Variants in IGF2BP3 observed in about 807,000 individuals in gnomAD.
IGF2BP3 encodes insulin like growth factor 2 mRNA binding protein 3.
In IGF2BP3, 9 loss-of-function variants were observed where a neutral mutation model predicts 73.8. The ratio of observed to expected loss-of-function variants is 0.12; its 90% confidence interval spans 0.07 to 0.21. The LOEUF is 0.21. IGF2BP3 is among the 10% of genes least tolerant of loss of function. The pLI, the probability that IGF2BP3 is intolerant of heterozygous loss-of-function variation, is 1.00. For missense variants in IGF2BP3, 542 were observed against 714.0 expected, an observed-to-expected ratio of 0.76 and a Z score of 2.75; for synonymous variants, 258 against 256.7, an observed-to-expected ratio of 1.01 and a Z score of -0.05.
intron 3 of IGF2BP3, among the ~76,000 whole-genome samples, chr7:23,401,082 C>G (rs1191759351): frequency 1.3e-5 from 2 of 152,182 alleles, no homozygotes; most frequent in Non-Finnish European, 2.9e-5. Flanking sequence ...CAGGTGTGAG[C>G]TATCACGCCC....
rs573893676 is a variant in IGF2BP3, at chr7:23,454,029, T to C, written c.236+14453A>G. 1.1e-3 allele frequency among the ~76,000 whole-genome samples: 174 copies of C among 152,288 alleles called. 1 individual carries two copies. The highest frequency in any genetic ancestry group is 2.1e-3 in the South Asian group (10 of 4,820). On this transcript the variant is annotated intron_variant, in intron 2 of 14. Coordinates refer to ENST00000258729, the MANE Select transcript of IGF2BP3 (RefSeq NM_006547.3). ...TTTTTGCAGGGACGGGGTTTCGCCA[T>C]GTTGCCCAGCCTGGTCTCAAACTCC...
chr7:23,404,377 A>T (rs1464176335), intron 3 of IGF2BP3, among the ~76,000 whole-genome samples: 1 of 152,208 alleles, frequency 6.6e-6, no homozygotes, highest in Non-Finnish European at 1.5e-5. Context: ...TAAGCTAATT[A>T]AACAATTTCA....
chr7:23,425,912 G>A (rs1460914895), intron 2 of IGF2BP3, among the ~76,000 whole-genome samples: 1 of 151,952 alleles, frequency 6.6e-6, no homozygotes, highest in Non-Finnish European at 1.5e-5. Context: ...GCTGCAGTGA[G>A]TGGTGGTGGT....
chr7:23,404,601 G>C (rs1364218345), intron 3 of IGF2BP3, among the ~76,000 whole-genome samples: 1 of 152,162 alleles, frequency 6.6e-6, no homozygotes, highest in Non-Finnish European at 1.5e-5. Context: ...AAAGGTATTT[G>C]TGAATATATA....
At chr7:23,312,660 A>C (rs117661739) in intron 14 of IGF2BP3, 75 bp downstream of exon 14, 18,511 of 1,080,652 alleles carry the variant, frequency 0.017, 235 homozygotes, top group Non-Finnish European at 0.022. Flanking sequence ...AACTAATTCT[A>C]TCAGGTAGGA....
chr7:23,341,944 A>C lies in IGF2BP3; in HGVS notation c.1203+120T>G, dbSNP rs559569883. The C allele has an allele frequency of 6.2e-6, 7 of 1,120,560 alleles. No homozygotes were observed. The African/African-American group carries it at 1.1e-4, about 18-fold the overall frequency. The allele number at this position is 1,120,560 out of a possible 1,614,324, so 69.4% of individuals were successfully genotyped here. Reference sequence around the variant, plus strand: ...CTACTCCACAAAGGGCCAAATAAGAAGGCTCCATTAGCAAGAACTGGAGAG... The same window carrying C: ...CTACTCCACAAAGGGCCAAATAAGACGGCTCCATTAGCAAGAACTGGAGAG... On this transcript the variant is annotated intron_variant, in intron 10 of 14. Coordinates refer to ENST00000258729, the MANE Select transcript of IGF2BP3 (RefSeq NM_006547.3).
chr7:23,338,439 T>G (rs1252055550), intron 10 of IGF2BP3, among the ~76,000 whole-genome samples: 1 of 152,176 alleles, frequency 6.6e-6, no homozygotes, highest in Non-Finnish European at 1.5e-5. Flanking sequence ...GAGGATCACT[T>G]GCACCCAGGA....
intron 3 of IGF2BP3, among the ~76,000 whole-genome samples, chr7:23,395,499 C>T (rs971923341): frequency 6.6e-6 from 1 of 152,108 alleles, no homozygotes; most frequent in Non-Finnish European, 1.5e-5. Context: ...CAGTGGCTGA[C>T]ACCTATAATC....
intron 2 of IGF2BP3, among the ~76,000 whole-genome samples, chr7:23,460,846 G>A (rs565221449): frequency 1.3e-5 from 2 of 152,042 alleles, no homozygotes; most frequent in African/African-American, 4.8e-5. Flanking sequence ...AGCTACTTGG[G>A]AGGCTGTGGC....
At chr7:23,347,883 C>T (rs1784871994) in intron 6 of IGF2BP3, 149 bp from the exon 7 acceptor site, 1 of 823,218 alleles carries the variant, frequency 1.2e-6, no homozygotes, top group East Asian at 2.8e-5. Flanking sequence ...AATAAGCTGT[C>T]AACATTAATG....
intron 3 of IGF2BP3, among the ~76,000 whole-genome samples, chr7:23,379,278 A>G (rs1270563193): frequency 6.6e-6 from 1 of 152,208 alleles, no homozygotes; most frequent in Non-Finnish European, 1.5e-5. Flanking sequence ...GCTAGTGTGT[A>G]TTCAAGATAA....
intron 2 of IGF2BP3, among the ~76,000 whole-genome samples, chr7:23,465,307 G>C (rs571440409): frequency 1.5e-4 from 23 of 152,372 alleles, no homozygotes; most frequent in Admixed American, 1.2e-3. Flanking sequence ...ATTTAGAATA[G>C]AGAGTGCAAC....
intron 3 of IGF2BP3, among the ~76,000 whole-genome samples, chr7:23,416,511 G>C (rs1405759640): frequency 6.6e-6 from 1 of 152,166 alleles, no homozygotes; most frequent in Non-Finnish European, 1.5e-5. Context: ...TAAACTCAAA[G>C]TTAGATTAAG....
chr7:23,408,244 TAAAAG>T (rs1377537513), intron 3 of IGF2BP3, among the ~76,000 whole-genome samples: 6 of 86,270 alleles, frequency 7.0e-5, no homozygotes, highest in Non-Finnish European at 1.7e-4. Flanking sequence ...ATTACAGCAA[TAAAAG>T]AAAAGGCATA....
intron 2 of IGF2BP3, among the ~76,000 whole-genome samples, chr7:23,446,324 G>T (rs911624741): frequency 2.0e-5 from 3 of 151,894 alleles, no homozygotes; most frequent in Non-Finnish European, 2.9e-5. Context: ...CACTTTGGGA[G>T]ACCAAGGTGG....
At chr7:23,335,482 G>A (rs1019994550) in intron 10 of IGF2BP3, among the ~76,000 whole-genome samples, 3 of 151,192 alleles carry the variant, frequency 2.0e-5, no homozygotes, top group African/African-American at 7.3e-5. Flanking sequence ...TAGAGACAGA[G>A]TTCTCCCTAT....
At chr7:23,432,563 T>C (rs1053380292) in intron 2 of IGF2BP3, among the ~76,000 whole-genome samples, 1 of 151,598 alleles carries the variant, frequency 6.6e-6, no homozygotes, top group Non-Finnish European at 1.5e-5. Flanking sequence ...AACTAATCCT[T>C]GATCCCTAAA....
intron 10 of IGF2BP3, among the ~76,000 whole-genome samples, chr7:23,336,985 A>T (rs1784590406): frequency 6.6e-6 from 1 of 152,142 alleles, no homozygotes; most frequent in African/African-American, 2.4e-5. Flanking sequence ...ATAAGCAAAG[A>T]AACTGGTAAA....
rs1198453266 is a variant in IGF2BP3 at position 23,469,756 on chromosome 7, C to A, written c.175+180G>T. ...CCGGCCGGGGAAGCAGAGCCGCGGG[C>A]CGGAGTGGGAGCCGGAGCTGAGGAG... On this transcript the variant is annotated intron_variant, in intron 1 of 14. Transcript: ENST00000258729. The surrounding 1 kb of genome is among the most constrained non-coding windows in gnomAD (Gnocchi z 6.1). 6.6e-6 allele frequency among the ~76,000 whole-genome samples: 1 copy of A among 151,678 alleles called. No individual in the cohort carries two copies. Among genetic ancestry groups the A allele is most frequent in the Non-Finnish European group, 1.5e-5 (1 of 67,850 alleles).
Sources: allele counts gnomAD v4.1 joint callset (sites outside exome capture counted in the v4.1 genomes callset), GRCh38; gene constraint gnomAD v4.1.1; non-coding constraint Gnocchi (gnomAD v3.1); transcripts MANE v1.5; gene names NCBI Gene and HGNC (gene_info 2026-07-23, HGNC 2026-07-21).